Variants in SPEN observed in about 807,000 individuals in gnomAD.
SPEN encodes the protein spen family transcriptional repressor.
Under a neutral mutation model 269.9 loss-of-function variants are expected in SPEN, and 18 were observed. That is an observed-to-expected ratio of 0.07 (90% CI 0.05 to 0.10). The LOEUF (loss-of-function observed/expected upper bound fraction) is 0.10. Among genes scored for constraint, SPEN ranks in the 10% least tolerant of loss-of-function variants. SPEN has a pLI of 1.00. For synonymous variants in SPEN, 1,726 were observed against 1,765.7 expected, an observed-to-expected ratio of 0.98 and a Z score of 0.56; for missense variants, 3,822 against 4,631.2, an observed-to-expected ratio of 0.83 and a Z score of 5.07.
At chr1:15,861,406 A>G (rs1433203727) in intron 1 of SPEN, among the ~76,000 whole-genome samples, 3 of 152,170 alleles carry the variant, frequency 2.0e-5, no homozygotes, top group Non-Finnish European at 4.4e-5. Context: ...CTGGGATTAC[A>G]GGTGTGAGCC....
Position 15,888,310 on chromosome 1 carries a change from CT to C in SPEN, c.881+11644del, listed in dbSNP as rs759333161. On this transcript the variant is annotated intron_variant, in intron 3 of 14. Transcript: ENST00000375759. ...GACTTGGAAGCAAACTATGTAAACTCTTTTTTTTTTTTAATTTTATTATTTT... is the reference window on the plus strand; with the variant it reads ...GACTTGGAAGCAAACTATGTAAACTCTTTTTTTTTTTAATTTTATTATTTT... 3.4e-3 allele frequency among the ~76,000 whole-genome samples: 482 copies of C among 140,806 alleles called. 3 individuals are homozygous for C. The highest frequency in any genetic ancestry group is 4.3e-3 in the Non-Finnish European group (275 of 64,032). The allele number at this position is 140,806 out of a possible 152,430, so 92.4% of individuals were successfully genotyped here.
chr1:15,911,781 T>C (rs1328267373), intron 5 of SPEN, among the ~76,000 whole-genome samples: 1 of 152,020 alleles, frequency 6.6e-6, no homozygotes, highest in African/African-American at 2.4e-5. Context: ...GCCAACATGG[T>C]GAAACCCTGT....
In SPEN at chr1:15,935,314, C is replaced by G. The variant is rs764445929; in HGVS notation, c.9074C>G (p.Ser3025Cys). 1.9e-5 allele frequency: 30 copies of G among 1,614,016 alleles called. No individual in the cohort carries two copies. Among genetic ancestry groups the G allele is most frequent in the African/African-American group, 4.0e-5 (3 of 74,894 alleles). The change falls in exon 11 of 15, where the codon TCT becomes TGT. Residue 3025 changes from serine (S) to cysteine (C), a missense_variant. Physicochemically the swap from Ser to Cys is moderately radical, Grantham distance 112. This residue lies in a region of SPEN where 94 missense variants were observed against 90.4 expected (regional missense o/e 1.04). Transcript: ENST00000375759. This position sits in a 1 kb window ranked among gnomAD's most constrained non-coding sequence, Gnocchi z 7.7. Reference sequence around the variant, plus strand: ...GCAGCTGCAAAGCTAGATGCTCATTCTCCTCGACCAAGTGGACCCGGGCCA... The same window carrying G: ...GCAGCTGCAAAGCTAGATGCTCATTGTCCTCGACCAAGTGGACCCGGGCCA... ...HLAAAKLDAH[S>C]PRPSGPGPSS...
chr1:15,937,602 A>T lies in SPEN; in HGVS notation c.10466A>T (p.His3489Leu), dbSNP rs1013163321. Residue 3489 changes from histidine to leucine, a missense_variant, in exon 12 of 15, where the codon CAC becomes CTC. His to Leu is a moderately conservative substitution (Grantham distance 99, BLOSUM62 -3). This residue lies in a region of SPEN where 359 missense variants were observed against 377.3 expected (regional missense o/e 0.95). Transcript: ENST00000375759. This position sits in a 1 kb window ranked among gnomAD's most constrained non-coding sequence, Gnocchi z 5.7. Reference protein sequence around the residue: ...QPAPKQDSSPHLTSQRPVDMV... With the variant: ...QPAPKQDSSPLLTSQRPVDMV... The stretch of plus-strand genomic sequence containing the variant: ...GCCCCCAAACAAGATTCCTCTCCAC[A>T]CCTGACTTCCCAGAGACCCGTGGAT... 1 of 1,613,884 alleles carries T rather than the reference A, an allele frequency of 6.2e-7. No individual in the cohort carries two copies.
At chr1:15,936,913 CATGGGGAGTTCTGCAT>C (rs1311628626) in intron 11 of SPEN, among the ~76,000 whole-genome samples, 1 of 152,176 alleles carries the variant, frequency 6.6e-6, no homozygotes, top group African/African-American at 2.4e-5. Flanking sequence ...TAGATCACAT[CATGGGGAGTTCTGCAT>C]ATGGGGAGGG....
chr1:15,873,737 T>C (rs1255078450), intron 2 of SPEN: 19 of 1,002,412 alleles, frequency 1.9e-5, no homozygotes, highest in Non-Finnish European at 2.1e-5. Flanking sequence ...ATCTACACAA[T>C]TTCTGTATTG....
At chr1:15,874,143 G>C (rs1169978291) in intron 2 of SPEN, 2 of 1,365,118 alleles carry the variant, frequency 1.5e-6, no homozygotes, top group African/African-American at 1.5e-5. Flanking sequence ...CTAATTGTCT[G>C]CTATCTCAAG....
At chr1:15,849,395 C>T (rs1376289041) in intron 1 of SPEN, among the ~76,000 whole-genome samples, 3 of 152,232 alleles carry the variant, frequency 2.0e-5, no homozygotes, top group East Asian at 1.9e-4. Flanking sequence ...GAGCTCCTGT[C>T]TTTTAAATGG....
chr1:15,935,797 T>A lies in SPEN; in HGVS notation c.9557T>A (p.Leu3186Gln), dbSNP rs1244030103. 6.2e-7 allele frequency: 1 copy of A among 1,613,878 alleles called. No individual in the cohort carries two copies. The highest frequency in any genetic ancestry group is 8.5e-7 in the Non-Finnish European group (1 of 1,180,000). The change falls in exon 11 of 15, where the codon CTG becomes CAG. Residue 3186 changes from leucine to glutamine, a missense_variant. By Grantham distance (113) the Leu-to-Gln change is moderately radical. Around this residue, in one of 16 missense-constraint regions of SPEN, gnomAD observed 153 missense variants for 228.5 expected, o/e 0.67. Coordinates refer to ENST00000375759, the MANE Select transcript of SPEN (RefSeq NM_015001.3). The surrounding 1 kb of genome is among the most constrained non-coding windows in gnomAD (Gnocchi z 7.7). ...CTAGTCATGCAGTCTGAGTACCGACTGCACCCCTATACTGTGCCACGGGAT... is the reference window on the plus strand; with the variant it reads ...CTAGTCATGCAGTCTGAGTACCGACAGCACCCCTATACTGTGCCACGGGAT... The part of the protein sequence containing the change: ...EVLVMQSEYR[L>Q]HPYTVPRDVR...
intron 1 of SPEN, among the ~76,000 whole-genome samples, chr1:15,857,963 A>G (rs2070403892): frequency 1.3e-5 from 2 of 152,130 alleles, no homozygotes; most frequent in Non-Finnish European, 2.9e-5. Flanking sequence ...TCCTGTGTCT[A>G]TTAAAAATAC....
chr1:15,905,722 G>A (rs576646987), intron 3 of SPEN, among the ~76,000 whole-genome samples: 2 of 151,832 alleles, frequency 1.3e-5, no homozygotes, highest in African/African-American at 4.8e-5. Flanking sequence ...ACAGACGCAC[G>A]CCACCATGCC....
In SPEN at chr1:15,930,644, C is replaced by T. The variant is rs749810648; in HGVS notation, c.4404C>T (p.Asp1468=). 51 of 1,614,010 alleles carry T rather than the reference C, an allele frequency of 3.2e-5. No homozygotes were observed. Among genetic ancestry groups the T allele is most frequent in the Non-Finnish European group, 3.9e-5 (46 of 1,180,026 alleles). The change falls in exon 11 of 15, where the codon GAC becomes GAT. Residue 1468 remains aspartate (D), a synonymous_variant. Coordinates refer to ENST00000375759, the MANE Select transcript of SPEN (RefSeq NM_015001.3). This position sits in a 1 kb window ranked among gnomAD's most constrained non-coding sequence, Gnocchi z 5.3. ...REENWSFLDW[D]SRFANFRNNK... is the part of the protein sequence containing the mutation. Reference sequence around the variant, plus strand: ...AAAATTGGTCTTTTCTTGATTGGGACTCCCGATTTGCAAATTTTCGAAACA... The same window carrying T: ...AAAATTGGTCTTTTCTTGATTGGGATTCCCGATTTGCAAATTTTCGAAACA...
At chr1:15,894,158 T>A (rs2070816256) in intron 3 of SPEN, among the ~76,000 whole-genome samples, 1 of 152,158 alleles carries the variant, frequency 6.6e-6, no homozygotes, top group South Asian at 2.1e-4. Flanking sequence ...TTCTGAAACA[T>A]TTTAGTTTTT....
chr1:15,874,296 A>G, intron 2 of SPEN: 2 of 1,366,402 alleles, frequency 1.5e-6, no homozygotes, highest in Non-Finnish European at 2.0e-6. Context: ...AAGAAGGTGG[A>G]TTACCCCCAT....
Position 15,937,172 on chromosome 1 carries a change from C to T in SPEN, c.10036C>T (p.Pro3346Ser), listed in dbSNP as rs561276936. The T allele has an allele frequency of 2.5e-6, 4 of 1,611,498 alleles. No individual in the cohort carries two copies. The South Asian group carries it at 3.3e-5, about 13-fold the overall frequency. The change falls in exon 12 of 15, where the codon CCT becomes TCT. Residue 3346 changes from proline to serine, a missense_variant. Physicochemically the swap from Pro to Ser is moderately conservative, Grantham distance 74. Around this residue, in one of 16 missense-constraint regions of SPEN, gnomAD observed 359 missense variants for 377.3 expected, o/e 0.95. Coordinates refer to ENST00000375759, the MANE Select transcript of SPEN (RefSeq NM_015001.3). This position sits in a 1 kb window ranked among gnomAD's most constrained non-coding sequence, Gnocchi z 5.7. ...TCCTTCCCTACACCAGGGCCCTCCT[C>T]CTGAAGGTGAGCCCCTGCAGCCTCC... ...RTKTAAQGPP[P>S]EGEPLQPPQP...
intron 1 of SPEN, among the ~76,000 whole-genome samples, chr1:15,854,611 A>G (rs1408334451): frequency 1.3e-5 from 2 of 151,892 alleles, no homozygotes; most frequent in Non-Finnish European, 2.9e-5. Flanking sequence ...CAGCCTCCCA[A>G]GTAGCTGGGA....
intron 6 of SPEN, among the ~76,000 whole-genome samples, chr1:15,917,515 G>C (rs1426533529): frequency 1.3e-5 from 2 of 152,110 alleles, no homozygotes; most frequent in African/African-American, 4.8e-5. Flanking sequence ...TCAGTCTCCT[G>C]AGTAGCTGGG....
Position 15,932,260 on chromosome 1 carries a change from A to G in SPEN, c.6020A>G (p.Asp2007Gly), listed in dbSNP as rs1438145440. The change falls in exon 11 of 15, where the codon GAT becomes GGT. Residue 2007 changes from aspartate (D) to glycine (G), a missense_variant. Coordinates refer to ENST00000375759, the MANE Select transcript of SPEN (RefSeq NM_015001.3). This position sits in a 1 kb window ranked among gnomAD's most constrained non-coding sequence, Gnocchi z 4.2. ...AAGGGAAAAAATGAACCGAAGGTGG[A>G]TGCTACACGTCCTGAGGCCACCACT... ...GKKGKNEPKV[D>G]ATRPEATTEV... The G allele has an allele frequency of 1.9e-6, 3 of 1,611,338 alleles. No homozygotes were observed. The highest frequency in any genetic ancestry group is 2.7e-5 in the African/African-American group (2 of 74,734).
At chr1:15,923,576 T>G (rs2148735358) in intron 10 of SPEN, among the ~76,000 whole-genome samples, 1 of 152,348 alleles carries the variant, frequency 6.6e-6, no homozygotes. Context: ...TTCTACTGCC[T>G]CTTCTTGCCA....
Sources: allele counts gnomAD v4.1 joint callset (sites outside exome capture counted in the v4.1 genomes callset), GRCh38; gene constraint gnomAD v4.1.1; regional missense constraint gnomAD v4.1.1; non-coding constraint Gnocchi (gnomAD v3.1); transcripts MANE v1.5; gene names NCBI Gene and HGNC (gene_info 2026-07-23, HGNC 2026-07-21).